ABHD3: variants seen among roughly 807,000 people sequenced by gnomAD.
ABHD3 encodes the protein abhydrolase domain containing 3, phospholipase.
A neutral mutation model predicts 48.8 loss-of-function variants in ABHD3; 46 were observed. That is an observed-to-expected ratio of 0.94 (90% CI 0.74 to 1.20). ABHD3 has a LOEUF of 1.20. Among genes scored for constraint, ABHD3 ranks in the 50% most tolerant of loss-of-function variants. The probability of loss-of-function intolerance (pLI) is 0.00; values close to 1 mark genes in which losing one functional copy is unlikely to be tolerated. For synonymous variants in ABHD3, 192 were observed against 183.7 expected, an observed-to-expected ratio of 1.04 and a Z score of -0.36; for missense variants, 490 against 497.8, an observed-to-expected ratio of 0.98 and a Z score of 0.15.
Position 21,680,852 on chromosome 18 carries a change from ATGTGTGTGTG to A in ABHD3, c.555+3058_555+3067del, listed in dbSNP as rs537497306. On this transcript the variant is annotated intron_variant, in intron 4 of 8. Coordinates refer to ENST00000289119, the MANE Select transcript of ABHD3 (RefSeq NM_138340.5). ...TGTTGTTTCTTTTTTTCTTTTTCAA[ATGTGTGTGTG>A]TGTGTGTGTGTGTGTGTGTATATAT... Among the ~76,000 whole-genome samples, 18 of 108,508 alleles carry A rather than the reference ATGTGTGTGTG, an allele frequency of 1.7e-4. 1 individual carries two copies. Among genetic ancestry groups the A allele is most frequent in the Admixed American group, 8.5e-4 (9 of 10,560 alleles). 71.2% of individuals were successfully genotyped at this position (108,508 alleles called of 152,430 possible). A position where few individuals can be genotyped will look rare whatever the true frequency, so the allele number is the denominator to read the frequency against.
chr18:21,693,638 T>C (rs1158466433), intron 3 of ABHD3, among the ~76,000 whole-genome samples: 1 of 152,188 alleles, frequency 6.6e-6, no homozygotes, highest in East Asian at 1.9e-4. Flanking sequence ...CTTGTCAGTC[T>C]CCACCATAAC....
At chr18:21,691,763 A>G (rs1325528549) in intron 3 of ABHD3, among the ~76,000 whole-genome samples, 1 of 152,192 alleles carries the variant, frequency 6.6e-6, no homozygotes, top group Non-Finnish European at 1.5e-5. Context: ...CTGAGTCCCA[A>G]TGATATCACA....
At chr18:21,655,284 G>GTT (rs1296017863) in intron 8 of ABHD3, among the ~76,000 whole-genome samples, 47 of 127,676 alleles carry the variant, frequency 3.7e-4, no homozygotes, top group Non-Finnish European at 4.7e-4. Context: ...GAGAGAAAAA[G>GTT]TTTTTTTTTT....
chr18:21,673,916 T>G (rs2850563), intron 4 of ABHD3, among the ~76,000 whole-genome samples: 2,849 of 152,126 alleles, frequency 0.019, 94 homozygotes, highest in African/African-American at 0.064. Context: ...GGGATCAGTA[T>G]TTTTCAATGC....
At chr18:21,665,752 C>G (rs528150187) in intron 4 of ABHD3, among the ~76,000 whole-genome samples, 1 of 150,604 alleles carries the variant, frequency 6.6e-6, no homozygotes, top group East Asian at 2.0e-4. Context: ...GTGGAGCTTG[C>G]AGTGAGCTGA....
At chr18:21,689,368 G>A (rs137935251) in intron 3 of ABHD3, among the ~76,000 whole-genome samples, 10 of 151,866 alleles carry the variant, frequency 6.6e-5, no homozygotes, top group African/African-American at 1.2e-4. Context: ...GGCCAACGTA[G>A]TGAAACACTG....
intron 4 of ABHD3, among the ~76,000 whole-genome samples, chr18:21,678,426 A>T (rs1457131846): frequency 6.6e-6 from 1 of 152,166 alleles, no homozygotes; most frequent in Admixed American, 6.5e-5. Context: ...AACTAAAAAT[A>T]GGGAACCCAA....
intron 3 of ABHD3, chr18:21,702,101 G>A (rs1316918685): frequency 1.8e-5 from 8 of 444,564 alleles, no homozygotes; most frequent in Middle Eastern, 6.0e-4. Flanking sequence ...AATCTGCAGA[G>A]TGTCTACTAT....
In ABHD3 at chr18:21,696,351, G is replaced by A. The variant is rs575847116; in HGVS notation, c.509+5965C>T. Among the ~76,000 whole-genome samples the A allele has an allele frequency of 1.8e-4, 28 of 152,162 alleles. No individual in the cohort carries two copies. In the South Asian group the frequency reaches 3.5e-3, roughly 19 times the overall value. Reference sequence around the variant, plus strand: ...TTTTTAGTAGAGACAGGGTTTCACCGTGTTAGCTAGGATGGTCTCACTCTC... The same window carrying A: ...TTTTTAGTAGAGACAGGGTTTCACCATGTTAGCTAGGATGGTCTCACTCTC... On this transcript the variant is annotated intron_variant, in intron 3 of 8. Coordinates refer to ENST00000289119, the MANE Select transcript of ABHD3 (RefSeq NM_138340.5).
At chr18:21,670,295 T>C (rs2039728235) in intron 4 of ABHD3, among the ~76,000 whole-genome samples, 1 of 152,170 alleles carries the variant, frequency 6.6e-6, no homozygotes, top group African/African-American at 2.4e-5. Flanking sequence ...GGTAAGGATG[T>C]AGCACCAGCT....
chr18:21,684,721 T>A (rs7238138), intron 3 of ABHD3, among the ~76,000 whole-genome samples: 3,907 of 152,242 alleles, frequency 0.026, 171 homozygotes, highest in African/African-American at 0.089. Context: ...CAGCTCTTGT[T>A]CTCTTAAGGC....
chr18:21,680,439 T>TAACC (rs376104209), intron 4 of ABHD3, among the ~76,000 whole-genome samples: 11 of 152,230 alleles, frequency 7.2e-5, no homozygotes, highest in African/African-American at 2.2e-4. Flanking sequence ...CACTTATAGC[T>TAACC]GGTTAGTGGT....
intron 4 of ABHD3, among the ~76,000 whole-genome samples, chr18:21,675,443 G>A (rs891493228): frequency 2.0e-5 from 3 of 151,494 alleles, no homozygotes; most frequent in Admixed American, 6.6e-5. Flanking sequence ...TAATTTTTGT[G>A]TTTTTAGTAG....
rs557910433 is a variant in ABHD3 at position 21,675,510 on chromosome 18, A to G, written c.555+8410T>C. Among the ~76,000 whole-genome samples the G allele has an allele frequency of 5.3e-4, 81 of 151,762 alleles. 1 individual carries two copies. In the East Asian group the frequency reaches 0.011, roughly 21 times the overall value. ...TCTTGATCTCCTGACCTCGTGATCC[A>G]CCCACCTTGGCCTCCCAAAGTGCTG... is the stretch of plus-strand genomic sequence containing the variant. On this transcript the variant is annotated intron_variant, in intron 4 of 8. Coordinates refer to ENST00000289119, the MANE Select transcript of ABHD3 (RefSeq NM_138340.5).
At position 21,671,476 on chromosome 18, in the gene ABHD3, G is replaced by A. The variant is rs112742281; in HGVS notation, c.556-7246C>T. On this transcript the variant is annotated intron_variant, in intron 4 of 8. Coordinates refer to ENST00000289119, the MANE Select transcript of ABHD3 (RefSeq NM_138340.5). ...TCCAGGCCTGAAGATACAACTAGAA[G>A]CCTTTTAGACAAAAAACTCTGGTTA... 1.3e-5 allele frequency among the ~76,000 whole-genome samples: 2 copies of A among 152,174 alleles called. 1 individual carries two copies. The highest frequency in any genetic ancestry group is 4.8e-5 in the African/African-American group (2 of 41,526).
chr18:21,682,435 C>T (rs1568153923), intron 4 of ABHD3: 1 of 152,272 alleles, frequency 6.6e-6, no homozygotes, highest in African/African-American at 2.4e-5. Context: ...CCCCCAGGCG[C>T]TTTGTTACTC....
intron 4 of ABHD3, among the ~76,000 whole-genome samples, chr18:21,674,042 T>C (rs2039818587): frequency 6.6e-6 from 1 of 152,144 alleles, no homozygotes; most frequent in Non-Finnish European, 1.5e-5. Flanking sequence ...AAAACCTTTC[T>C]TGAGTGACTT....
chr18:21,700,643 A>G (rs974603636), intron 3 of ABHD3, among the ~76,000 whole-genome samples: 2 of 144,814 alleles, frequency 1.4e-5, no homozygotes, highest in Non-Finnish European at 3.0e-5. Context: ...CAAGTGATCC[A>G]CCTGCCTCGG....
intron 3 of ABHD3, among the ~76,000 whole-genome samples, chr18:21,690,996 CAA>C (rs34425997): frequency 2.2e-4 from 14 of 63,214 alleles, no homozygotes; most frequent in Middle Eastern, 8.6e-3. Flanking sequence ...GACTCTGTCT[CAA>C]AAAAAAAAAA....
Sources: gnomAD v4.1 joint callset for allele counts (sites outside exome capture counted in the v4.1 genomes callset) on GRCh38, gnomAD v4.1.1 for gene constraint, MANE v1.5 for transcripts, NCBI Gene and HGNC (gene_info 2026-07-23, HGNC 2026-07-21) for gene names.